Variants in RBFOX1 observed in about 807,000 individuals in gnomAD.
RBFOX1 encodes the protein RNA binding protein fox-1 homolog 1.
In RBFOX1, 8 loss-of-function variants were observed where a neutral mutation model predicts 57.7. The ratio of observed to expected loss-of-function variants is 0.14; its 90% CI spans 0.08 to 0.25. The LOEUF (loss-of-function observed/expected upper bound fraction) is 0.25, where lower values mean the gene tolerates loss of function less well. RBFOX1 is among the 10% of genes least tolerant of loss of function. The probability of loss-of-function intolerance (pLI) is 1.00; values close to 1 mark genes in which losing one functional copy is unlikely to be tolerated. For synonymous variants in RBFOX1, 326 were observed against 222.4 expected, an observed-to-expected ratio of 1.47 and a Z score of -4.15; for missense variants, 611 against 548.5, an observed-to-expected ratio of 1.11 and a Z score of -1.14.
intron 2 of RBFOX1, among the ~76,000 whole-genome samples, chr16:6,613,137 C>T (rs79815600): frequency 1.2e-4 from 18 of 151,936 alleles, no homozygotes; most frequent in South Asian, 2.1e-4. Context: ...GGTGCATGTG[C>T]CTTGATCTAT....
At chr16:6,617,121 G>C (rs528260439) in intron 2 of RBFOX1, among the ~76,000 whole-genome samples, 8 of 152,036 alleles carry the variant, frequency 5.3e-5, no homozygotes, top group African/African-American at 1.9e-4. Flanking sequence ...TTTGGAAGAC[G>C]TAAGACTTAA....
At chr16:6,733,712 C>T in intron 3 of RBFOX1, among the ~76,000 whole-genome samples, 1 of 152,032 alleles carries the variant, frequency 6.6e-6, no homozygotes, top group East Asian at 1.9e-4. Flanking sequence ...GAACTGAGAT[C>T]ACACCACTGC....
intron 4 of RBFOX1, among the ~76,000 whole-genome samples, chr16:7,094,310 T>G (rs1054626802): frequency 6.6e-6 from 1 of 152,164 alleles, no homozygotes; most frequent in African/African-American, 2.4e-5. Flanking sequence ...AGCATTGTTT[T>G]GACCACTAAG....
chr16:7,450,767 G>T (rs906145304), intron 4 of RBFOX1, among the ~76,000 whole-genome samples: 2 of 152,118 alleles, frequency 1.3e-5, no homozygotes, highest in Admixed American at 6.5e-5. Flanking sequence ...TGAGGAGGAG[G>T]AACCAGTGAC....
At chr16:5,525,778 G>T (rs2151022274) in intron 2 of RBFOX1, among the ~76,000 whole-genome samples, 1 of 152,204 alleles carries the variant, frequency 6.6e-6, no homozygotes, top group African/African-American at 2.4e-5. Context: ...GAATACAGGG[G>T]TGAGCCACTG....
rs757471969 is a variant in RBFOX1, at chr16:6,049,402, T to C, written c.-127+29410T>C. 2.0e-5 allele frequency among the ~76,000 whole-genome samples: 3 copies of C among 152,200 alleles called. No individual in the cohort carries two copies. In the East Asian group the frequency reaches 5.8e-4, roughly 29 times the overall value. On this transcript the variant is annotated intron_variant, in intron 1 of 15. Coordinates refer to ENST00000550418, the MANE Select transcript of RBFOX1 (RefSeq NM_018723.4). ...AGAATAGCCTGAAGAATCACCTTCT[T>C]TGAATCACCCAGATTAAATAATTAT...
At chr16:6,335,584 C>T (rs368549343) in intron 2 of RBFOX1, among the ~76,000 whole-genome samples, 124 of 151,806 alleles carry the variant, frequency 8.2e-4, no homozygotes, top group African/African-American at 2.9e-3. Flanking sequence ...TTGAGACCCT[C>T]CTGGCCAACA....
intron 4 of RBFOX1, among the ~76,000 whole-genome samples, chr16:7,371,220 T>C (rs2097559850): frequency 6.6e-6 from 1 of 152,222 alleles, no homozygotes; most frequent in African/African-American, 2.4e-5. Flanking sequence ...ATTTGTGTGT[T>C]GTATGTGTCC....
intron 3 of RBFOX1, among the ~76,000 whole-genome samples, chr16:6,749,410 C>A (rs1288134088): frequency 1.3e-5 from 2 of 152,104 alleles, no homozygotes; most frequent in Non-Finnish European, 2.9e-5. Flanking sequence ...TGAGATGGAC[C>A]CTGGTTCTTG....
chr16:7,505,485 T>C (rs2072972112), intron 4 of RBFOX1, among the ~76,000 whole-genome samples: 1 of 152,250 alleles, frequency 6.6e-6, no homozygotes, highest in Admixed American at 6.5e-5. Flanking sequence ...TAAGCACATA[T>C]TTCCCTTTGG....
chr16:7,528,697 T>G (rs1025452238), intron 5 of RBFOX1, among the ~76,000 whole-genome samples: 2 of 152,190 alleles, frequency 1.3e-5, no homozygotes, highest in African/African-American at 4.8e-5. Context: ...ATCTATTTTG[T>G]GGGCAGTATT....
At chr16:7,695,993 G>T (rs2078691116) in intron 14 of RBFOX1, among the ~76,000 whole-genome samples, 1 of 152,182 alleles carries the variant, frequency 6.6e-6, no homozygotes, top group Non-Finnish European at 1.5e-5. Context: ...AAATCATTAA[G>T]CAGTAGAACA....
chr16:6,177,060 C>T (rs988561966), intron 1 of RBFOX1, among the ~76,000 whole-genome samples: 1 of 152,016 alleles, frequency 6.6e-6, no homozygotes, highest in African/African-American at 2.4e-5. Flanking sequence ...CTGAAAACAA[C>T]GTAATAGTCA....
chr16:7,658,075 G>C (rs1454742677), intron 12 of RBFOX1, among the ~76,000 whole-genome samples: 4 of 152,172 alleles, frequency 2.6e-5, no homozygotes, highest in South Asian at 2.1e-4. Context: ...GGGTGAAGCA[G>C]GGAAATCCAT....
At chr16:5,284,535 T>TC (rs2063344706) in intron 1 of RBFOX1, among the ~76,000 whole-genome samples, 1 of 148,446 alleles carries the variant, frequency 6.7e-6, no homozygotes, top group South Asian at 2.1e-4. Context: ...GGGAAATATT[T>TC]TTTCTTTTTT....
chr16:5,845,020 C>T (rs1442483529), intron 3 of RBFOX1, among the ~76,000 whole-genome samples: 2 of 150,034 alleles, frequency 1.3e-5, no homozygotes, highest in South Asian at 2.1e-4. Flanking sequence ...TAATGAGAAC[C>T]AAAAAGCATT....
At chr16:5,710,331 G>A (rs959989797) in intron 3 of RBFOX1, among the ~76,000 whole-genome samples, 5 of 152,154 alleles carry the variant, frequency 3.3e-5, no homozygotes, top group Non-Finnish European at 4.4e-5. Flanking sequence ...CTTTCACTGC[G>A]CTCTCTGTTA....
At chr16:5,607,749 A>G (rs1049873896) in intron 3 of RBFOX1, among the ~76,000 whole-genome samples, 59 of 152,136 alleles carry the variant, frequency 3.9e-4, no homozygotes, top group Non-Finnish European at 5.0e-4. Flanking sequence ...TTCCAATTCC[A>G]CTGGGCTCAT....
chr16:5,878,474 C>G (rs1310180754), intron 4 of RBFOX1, among the ~76,000 whole-genome samples: 1 of 152,158 alleles, frequency 6.6e-6, no homozygotes, highest in Non-Finnish European at 1.5e-5. Flanking sequence ...GTATTTGATT[C>G]TATGCAATTT....
Sources: allele counts gnomAD v4.1 joint callset (sites outside exome capture counted in the v4.1 genomes callset), GRCh38; gene constraint gnomAD v4.1.1; transcripts MANE v1.5; gene names NCBI Gene and HGNC (gene_info 2026-07-23, HGNC 2026-07-21).